Variants in CMSS1 observed in about 807,000 individuals in gnomAD.
CMSS1 encodes cms1 ribosomal small subunit homolog, also known as protein CMSS1.
In CMSS1, 33 loss-of-function variants were observed where a neutral mutation model predicts 43.5. The observed-to-expected ratio is 0.76, with a 90% CI of 0.57 to 1.01. The LOEUF (loss-of-function observed/expected upper bound fraction) is 1.01, where lower values mean the gene tolerates loss of function less well. Among genes scored for constraint, CMSS1 ranks in the 50% least tolerant of loss-of-function variants. The pLI is 0.00. For synonymous variants in CMSS1, 115 were observed against 117.2 expected (o/e 0.98, Z 0.12); for missense variants, 313 against 326.4 (o/e 0.96, Z 0.32).
chr3:100,103,219 A>T (rs1417708775), intron 1 of CMSS1, among the ~76,000 whole-genome samples: 2 of 152,206 alleles, frequency 1.3e-5, no homozygotes, highest in Admixed American at 1.3e-4. Context: ...TTTTTGAAAG[A>T]AGCCCACTCA....
chr3:99,958,181 C>A (rs553755747), intron 1 of CMSS1, among the ~76,000 whole-genome samples: 160 of 147,136 alleles, frequency 1.1e-3, no homozygotes, highest in African/African-American at 3.8e-3. Context: ...CAACCCATCA[C>A]CTAGGTATTA....
At chr3:99,850,791 C>A (rs964953238) in intron 1 of CMSS1, 1 of 1,614,062 alleles carries the variant, frequency 6.2e-7, no homozygotes, top group Non-Finnish European at 8.5e-7. Flanking sequence ...TCTGCGTTTG[C>A]AGTTCCTTCT....
chr3:100,023,251 T>G (rs1269720932), intron 1 of CMSS1: 2 of 152,396 alleles, frequency 1.3e-5, no homozygotes, highest in African/African-American at 4.8e-5. Flanking sequence ...CACCACGAAG[T>G]ATTGTTCTTT....
At chr3:99,852,302 C>T (rs748918965) in intron 1 of CMSS1, among the ~76,000 whole-genome samples, 1 of 152,138 alleles carries the variant, frequency 6.6e-6, no homozygotes, top group Non-Finnish European at 1.5e-5. Context: ...TACTTACATT[C>T]TGATAGGTAT....
chr3:99,882,335 C>A (rs773983032), intron 1 of CMSS1, among the ~76,000 whole-genome samples: 5 of 152,088 alleles, frequency 3.3e-5, no homozygotes, highest in Non-Finnish European at 7.4e-5. Flanking sequence ...TTTTGTCTGG[C>A]AACTTCTTCC....
chr3:100,156,731 T>C (rs975473204), intron 2 of CMSS1, among the ~76,000 whole-genome samples: 1 of 152,186 alleles, frequency 6.6e-6, no homozygotes, highest in Non-Finnish European at 1.5e-5. Flanking sequence ...TTCTCCTGCC[T>C]CAGCCTCCCA....
chr3:100,121,072 A>G (rs2066615170), intron 1 of CMSS1, among the ~76,000 whole-genome samples: 1 of 152,150 alleles, frequency 6.6e-6, no homozygotes, highest in East Asian at 1.9e-4. Context: ...CAGCTTCTCC[A>G]AAGTGACCCC....
At chr3:99,903,305 G>C (rs977822874) in intron 1 of CMSS1, among the ~76,000 whole-genome samples, 2 of 151,714 alleles carry the variant, frequency 1.3e-5, no homozygotes, top group Non-Finnish European at 2.9e-5. Flanking sequence ...AGGCTGGAGT[G>C]CAGTGGCGTG....
chr3:100,094,706 G>C (rs1247900757), intron 1 of CMSS1, among the ~76,000 whole-genome samples: 1 of 85,510 alleles, frequency 1.2e-5, no homozygotes, highest in Non-Finnish European at 2.1e-5. Context: ...TTTTTTTTGA[G>C]ACAGTCTCGC....
chr3:100,175,940 C>T (rs1380286105), intron 8 of CMSS1, among the ~76,000 whole-genome samples: 2 of 152,184 alleles, frequency 1.3e-5, no homozygotes, highest in African/African-American at 2.4e-5. Context: ...TCCTGAGAGC[C>T]CTGCAGACTC....
At chr3:100,021,421 A>T (rs1451066539) in intron 1 of CMSS1, among the ~76,000 whole-genome samples, 1 of 152,176 alleles carries the variant, frequency 6.6e-6, no homozygotes, top group Non-Finnish European at 1.5e-5. Flanking sequence ...GCACAGCATT[A>T]AGCAAGACAC....
At chr3:100,028,574 T>A (rs1014879956) in intron 1 of CMSS1, among the ~76,000 whole-genome samples, 1 of 152,178 alleles carries the variant, frequency 6.6e-6, no homozygotes, top group African/African-American at 2.4e-5. Context: ...AATTTTTCAT[T>A]ATTTTTTAAA....
Position 99,922,171 on chromosome 3 carries a change from T to C in CMSS1, c.64+104128T>C, listed in dbSNP as rs143843987. Among the ~76,000 whole-genome samples, 578 of 152,340 alleles carry C rather than the reference T, an allele frequency of 3.8e-3. 3 individuals carry two copies. Among genetic ancestry groups the C allele is most frequent in the African/African-American group, 0.013 (550 of 41,572 alleles). ...ACACTCTGACCGTGATCAGTAAATG[T>C]TCATAATAATGAAAGATGAAAGAAA... On this transcript the variant is annotated intron_variant, in intron 1 of 9. Coordinates refer to ENST00000421999, the MANE Select transcript of CMSS1 (RefSeq NM_032359.4).
At chr3:99,988,213 T>C (rs1709402805) in intron 1 of CMSS1, among the ~76,000 whole-genome samples, 1 of 151,706 alleles carries the variant, frequency 6.6e-6, no homozygotes, top group Non-Finnish European at 1.5e-5. Flanking sequence ...AAGTCTGAAA[T>C]TTGGCCGGGC....
chr3:100,141,555 T>C (rs990575075), intron 1 of CMSS1: 15 of 456,092 alleles, frequency 3.3e-5, no homozygotes, highest in East Asian at 1.4e-4. Context: ...CTTCAAGAGT[T>C]TGTGCAAGCA....
chr3:99,970,453 C>T (rs1708779991), intron 1 of CMSS1, among the ~76,000 whole-genome samples: 1 of 152,254 alleles, frequency 6.6e-6, no homozygotes, highest in Non-Finnish European at 1.5e-5. Flanking sequence ...AAGTCTCATT[C>T]TCACATACTC....
rs962681995 is a variant in CMSS1, at chr3:100,014,902, T to A, written c.65-132071T>A. Among the ~76,000 whole-genome samples, 39 of 142,004 alleles carry A rather than the reference T, an allele frequency of 2.7e-4. 1 individual carries two copies. The highest frequency in any genetic ancestry group is 1.1e-4 in the Non-Finnish European group (7 of 65,178). 93.2% of individuals were successfully genotyped at this position (142,004 alleles called of 152,430 possible). ...TTTTTTTTTTCTTTCTTTCTTTTTT[T>A]TTTTTTTTTTTTTTTTGCCCCTGTT... On this transcript the variant is annotated intron_variant, in intron 1 of 9. Coordinates refer to ENST00000421999, the MANE Select transcript of CMSS1 (RefSeq NM_032359.4).
In CMSS1 at chr3:100,099,378, C is replaced by G. The variant is rs9843812; in HGVS notation, c.65-47595C>G. ...TGCATATGTGCATTAAACGAGTAAG[C>G]TATCACTTTCCAAATTTTCTGATAA... On this transcript the variant is annotated intron_variant, in intron 1 of 9. Transcript: ENST00000421999. Among the ~76,000 whole-genome samples, 966 of 152,166 alleles carry G rather than the reference C, an allele frequency of 6.3e-3. 10 individuals carry two copies. The highest frequency in any genetic ancestry group is 0.022 in the African/African-American group (911 of 41,512).
chr3:100,135,424 TTGTGTGTGTGTGCA>T (rs1441600103), intron 1 of CMSS1, among the ~76,000 whole-genome samples: 4 of 137,844 alleles, frequency 2.9e-5, no homozygotes, highest in Admixed American at 2.2e-4. Context: ...TGAGGAGCCT[TTGTGTGTGTGTGCA>T]TGTGTGTGTG....
Sources: gnomAD v4.1 joint callset for allele counts (sites outside exome capture counted in the v4.1 genomes callset) on GRCh38, gnomAD v4.1.1 for gene constraint, MANE v1.5 for transcripts, NCBI Gene and HGNC (gene_info 2026-07-23, HGNC 2026-07-21) for gene names.